The following LRFN5 variants were observed in gnomAD, a reference collection of about 807,000 sequenced individuals.
The protein encoded by LRFN5 is leucine-rich repeat and fibronectin type-III domain-containing protein 5.
In LRFN5, 24 loss-of-function variants were observed where a neutral mutation model predicts 45.6. The ratio of observed to expected loss-of-function variants is 0.53; its 90% CI spans 0.38 to 0.74. The LOEUF is 0.74. LRFN5 is among the 30% of genes least tolerant of loss of function. The probability of loss-of-function intolerance (pLI) is 0.00; values close to 1 mark genes in which losing one functional copy is unlikely to be tolerated. For missense variants in LRFN5, 776 were observed against 861.5 expected (o/e 0.90, Z 1.24); for synonymous variants, 340 against 313.8 (o/e 1.08, Z -0.88).
At chr14:41,835,143 T>C (rs1888618496) in intron 2 of LRFN5, among the ~76,000 whole-genome samples, 1 of 152,152 alleles carries the variant, frequency 6.6e-6, no homozygotes. Flanking sequence ...GAGGTGTAAA[T>C]TTAAACAGAA....
chr14:41,626,603 A>G (rs557827025), intron 1 of LRFN5, among the ~76,000 whole-genome samples: 4 of 152,206 alleles, frequency 2.6e-5, no homozygotes, highest in Admixed American at 2.6e-4. Flanking sequence ...ATTTATGTTC[A>G]TAGTGTTATG....
chr14:41,621,745 C>T (rs1279614011), intron 1 of LRFN5, among the ~76,000 whole-genome samples: 1 of 152,026 alleles, frequency 6.6e-6, no homozygotes, highest in Non-Finnish European at 1.5e-5. Flanking sequence ...CAACCAATCG[C>T]AGGATTATTT....
chr14:41,625,142 T>C (rs1888282197), intron 1 of LRFN5, among the ~76,000 whole-genome samples: 1 of 152,170 alleles, frequency 6.6e-6, no homozygotes, highest in African/African-American at 2.4e-5. Context: ...AGTACAATTA[T>C]AGCCTGCTGT....
intron 1 of LRFN5, among the ~76,000 whole-genome samples, chr14:41,650,256 CACACACACACAAAA>C (rs1880034891): frequency 7.0e-6 from 1 of 143,100 alleles, no homozygotes; most frequent in Non-Finnish European, 1.5e-5. Context: ...CACACACACA[CACACACACACAAAA>C]AAAAAAAAGA....
chr14:41,764,160 C>T (rs2138875792), intron 1 of LRFN5, among the ~76,000 whole-genome samples: 1 of 152,104 alleles, frequency 6.6e-6, no homozygotes, highest in South Asian at 2.1e-4. Context: ...ATATAGAATC[C>T]TTATGGATTT....
At chr14:41,744,857 A>C (rs570293445) in intron 1 of LRFN5, among the ~76,000 whole-genome samples, 153 of 152,286 alleles carry the variant, frequency 1.0e-3, no homozygotes, top group African/African-American at 3.5e-3. Context: ...AAAGCAGTTT[A>C]AACATTTACA....
chr14:41,731,300 C>G (rs1884167192), intron 1 of LRFN5: 1 of 152,028 alleles, frequency 6.6e-6, no homozygotes, highest in African/African-American at 2.4e-5. Flanking sequence ...AATGCTCTCT[C>G]TCTCTCTCTT....
intron 1 of LRFN5, among the ~76,000 whole-genome samples, chr14:41,661,617 C>T (rs1395387171): frequency 1.3e-5 from 2 of 151,944 alleles, no homozygotes; most frequent in African/African-American, 2.4e-5. Flanking sequence ...CTGAAGAAGC[C>T]CGCTGATTAG....
At chr14:41,616,192 G>A (rs531186933) in intron 1 of LRFN5, among the ~76,000 whole-genome samples, 1 of 152,050 alleles carries the variant, frequency 6.6e-6, no homozygotes, top group Non-Finnish European at 1.5e-5. Context: ...AACACAAGAA[G>A]AGTAAATTTT....
At chr14:41,854,090 T>A (rs1367706178) in intron 2 of LRFN5, among the ~76,000 whole-genome samples, 2 of 152,086 alleles carry the variant, frequency 1.3e-5, no homozygotes, top group Non-Finnish European at 2.9e-5. Context: ...CCTTGCATAT[T>A]TGTTTAATAA....
chr14:41,669,522 C>CT (rs1174199858), intron 1 of LRFN5, among the ~76,000 whole-genome samples: 2 of 151,262 alleles, frequency 1.3e-5, no homozygotes, highest in Non-Finnish European at 3.0e-5. Context: ...AATGATTGAA[C>CT]TTTTTTTTTG....
intron 2 of LRFN5, among the ~76,000 whole-genome samples, chr14:41,879,254 A>G (rs1890289722): frequency 6.6e-6 from 1 of 151,896 alleles, no homozygotes; most frequent in Admixed American, 6.6e-5. Context: ...TTCCTAAAAT[A>G]TGATTAAGTT....
chr14:41,706,177 C>T (rs546373367), intron 1 of LRFN5, among the ~76,000 whole-genome samples: 6 of 152,064 alleles, frequency 3.9e-5, no homozygotes, highest in South Asian at 2.1e-4. Flanking sequence ...CTTGGCTCAC[C>T]GCAACCTGCA....
chr14:41,648,745 C>G (rs1268205581), intron 1 of LRFN5, among the ~76,000 whole-genome samples: 1 of 151,990 alleles, frequency 6.6e-6, no homozygotes, highest in Non-Finnish European at 1.5e-5. Context: ...TCCACTCCGC[C>G]CTCCCCTTAC....
intron 1 of LRFN5, among the ~76,000 whole-genome samples, chr14:41,664,224 C>T (rs1880790864): frequency 6.6e-6 from 1 of 151,960 alleles, no homozygotes; most frequent in Admixed American, 6.6e-5. Context: ...GATGTTGTAC[C>T]TTTAACTTAA....
chr14:41,683,456 T>C (rs2138690205), intron 1 of LRFN5, among the ~76,000 whole-genome samples: 1 of 152,228 alleles, frequency 6.6e-6, no homozygotes, highest in African/African-American at 2.4e-5. Context: ...TAGTATGGGG[T>C]GTCCTATCTA....
intron 5 of LRFN5, among the ~76,000 whole-genome samples, chr14:41,899,509 T>A (rs1408553128): frequency 6.6e-6 from 1 of 151,904 alleles, no homozygotes; most frequent in African/African-American, 2.4e-5. Flanking sequence ...CTTGAGTGGT[T>A]TTTTTAGGGG....
intron 1 of LRFN5, among the ~76,000 whole-genome samples, chr14:41,635,449 A>T (rs1004823906): frequency 6.6e-6 from 1 of 152,176 alleles, no homozygotes; most frequent in Non-Finnish European, 1.5e-5. Context: ...AAGTTAATAC[A>T]TGTAGTCAAA....
intron 1 of LRFN5, among the ~76,000 whole-genome samples, chr14:41,638,451 C>G (rs913408401): frequency 1.4e-4 from 22 of 152,024 alleles, no homozygotes; most frequent in African/African-American, 5.1e-4. Context: ...CTTAAATATA[C>G]TTTTAGGGAA....
Sources: allele counts gnomAD v4.1 joint callset (sites outside exome capture counted in the v4.1 genomes callset), GRCh38; gene constraint gnomAD v4.1.1; transcripts MANE v1.5; gene names NCBI Gene and HGNC (gene_info 2026-07-23, HGNC 2026-07-21).